The following FHIT variants were observed in gnomAD, a reference collection of about 807,000 sequenced individuals.
FHIT encodes fragile histidine triad diadenosine triphosphatase.
In FHIT, 19 loss-of-function variants were observed where a neutral mutation model predicts 17.9. The ratio of observed to expected loss-of-function variants is 1.06; its 90% CI spans 0.74 to 1.56. FHIT has a LOEUF of 1.56. FHIT is among the 40% of genes most tolerant of loss of function. FHIT has a pLI of 0.00. For missense variants in FHIT, 248 were observed against 189.2 expected, an observed-to-expected ratio of 1.31 and a Z score of -1.82; for synonymous variants, 81 against 69.7, an observed-to-expected ratio of 1.16 and a Z score of -0.81.
intron 5 of FHIT, among the ~76,000 whole-genome samples, chr3:60,245,140 A>C (rs944344750): frequency 2.6e-5 from 4 of 152,102 alleles, no homozygotes; most frequent in African/African-American, 9.6e-5. Flanking sequence ...GAATTCAAGA[A>C]GTCATGAGCT....
At chr3:61,055,422 T>C (rs1198787377) in intron 2 of FHIT, among the ~76,000 whole-genome samples, 1 of 152,212 alleles carries the variant, frequency 6.6e-6, no homozygotes, top group Non-Finnish European at 1.5e-5. Context: ...TTTCTCCTAC[T>C]GTAGTGTTAA....
At chr3:60,171,530 A>G (rs968641374) in intron 5 of FHIT, among the ~76,000 whole-genome samples, 3 of 152,218 alleles carry the variant, frequency 2.0e-5, no homozygotes, top group East Asian at 1.9e-4. Flanking sequence ...AATGGTTTCC[A>G]TCTCATTTTC....
chr3:59,918,714 C>A (rs925146288), intron 8 of FHIT, among the ~76,000 whole-genome samples: 2 of 152,166 alleles, frequency 1.3e-5, no homozygotes, highest in African/African-American at 2.4e-5. Context: ...TATGCATGCA[C>A]CATTAGCCAG....
intron 4 of FHIT, among the ~76,000 whole-genome samples, chr3:60,706,684 C>A (rs2041381527): frequency 6.6e-6 from 1 of 152,144 alleles, no homozygotes; most frequent in Admixed American, 6.5e-5. Flanking sequence ...AAAAATATTT[C>A]TATTTCCATT....
At chr3:60,710,133 C>G (rs1471090892) in intron 4 of FHIT, among the ~76,000 whole-genome samples, 1 of 146,390 alleles carries the variant, frequency 6.8e-6, no homozygotes, top group African/African-American at 2.5e-5. Context: ...ATAATTTTTA[C>G]TTTTCAACAA....
chr3:61,161,188 G>C (rs560300430), intron 2 of FHIT, among the ~76,000 whole-genome samples: 10 of 147,514 alleles, frequency 6.8e-5, no homozygotes, highest in African/African-American at 1.7e-4. Flanking sequence ...CCCATGATTA[G>C]AGCAGAAGAA....
chr3:60,287,100 A>G (rs9826614), intron 5 of FHIT, among the ~76,000 whole-genome samples: 15,331 of 152,262 alleles, frequency 0.1, 919 homozygotes, highest in Non-Finnish European at 0.13. Flanking sequence ...GAACTCAGTC[A>G]GATCATCTAT....
chr3:60,718,204 T>C (rs2041730331), intron 4 of FHIT, among the ~76,000 whole-genome samples: 1 of 152,230 alleles, frequency 6.6e-6, no homozygotes, highest in Non-Finnish European at 1.5e-5. Flanking sequence ...AAGACAAACT[T>C]AGTTTACTGT....
intron 1 of FHIT, among the ~76,000 whole-genome samples, chr3:61,202,180 A>G (rs1480326722): frequency 6.6e-6 from 1 of 151,922 alleles, no homozygotes; most frequent in East Asian, 1.9e-4. Flanking sequence ...GCCGCCAACC[A>G]TCTGGGAAGT....
intron 5 of FHIT, among the ~76,000 whole-genome samples, chr3:60,090,925 C>G (rs1358345932): frequency 1.3e-5 from 2 of 152,192 alleles, no homozygotes; most frequent in African/African-American, 4.8e-5. Flanking sequence ...CAAGTTGAAG[C>G]AGGTAAGAAA....
chr3:60,201,727 T>A (rs980849241), intron 5 of FHIT, among the ~76,000 whole-genome samples: 2 of 152,142 alleles, frequency 1.3e-5, no homozygotes, highest in Non-Finnish European at 2.9e-5. Context: ...TAACTTTTTT[T>A]AAACAGTCAA....
At chr3:61,154,958 G>A (rs1309981770) in intron 2 of FHIT, among the ~76,000 whole-genome samples, 2 of 152,254 alleles carry the variant, frequency 1.3e-5, no homozygotes, top group Admixed American at 1.3e-4. Flanking sequence ...GGGAGGACCC[G>A]ACAGGCCCTC....
At chr3:60,137,365 G>C (rs528905977) in intron 5 of FHIT, among the ~76,000 whole-genome samples, 2 of 152,282 alleles carry the variant, frequency 1.3e-5, no homozygotes, top group African/African-American at 4.8e-5. Flanking sequence ...TTTTACAAGA[G>C]CTTCTAAAGC....
chr3:60,228,619 GA>G (rs760743708), intron 5 of FHIT, among the ~76,000 whole-genome samples: 71 of 152,286 alleles, frequency 4.7e-4, no homozygotes, highest in Non-Finnish European at 8.8e-4. Flanking sequence ...TAAAATGGGA[GA>G]AATGACAAAT....
intron 5 of FHIT, among the ~76,000 whole-genome samples, chr3:60,284,929 T>C (rs1196150880): frequency 2.6e-5 from 4 of 152,192 alleles, no homozygotes; most frequent in Admixed American, 1.3e-4. Context: ...ATATACATTT[T>C]GATTATTGTA....
intron 5 of FHIT, among the ~76,000 whole-genome samples, chr3:60,057,548 G>A (rs774348136): frequency 6.6e-6 from 1 of 152,142 alleles, no homozygotes; most frequent in African/African-American, 2.4e-5. Context: ...CACAAAGGAT[G>A]ATATTGTGAT....
In FHIT at chr3:61,127,149, G is replaced by A. The variant is rs190462188; in HGVS notation, c.-164+73468C>T. 1.4e-4 allele frequency among the ~76,000 whole-genome samples: 21 copies of A among 152,264 alleles called. 1 individual carries two copies. The highest frequency in any genetic ancestry group is 3.9e-4 in the Admixed American group (6 of 15,292). On this transcript the variant is annotated intron_variant, in intron 2 of 9. Transcript: ENST00000492590. ...CGCTGTAACAGAATCATTTGACTTC[G>A]GTACTGAGAATCAACCAAAAGATGT...
At chr3:60,445,697 C>T (rs1326610249) in intron 5 of FHIT, among the ~76,000 whole-genome samples, 1 of 151,838 alleles carries the variant, frequency 6.6e-6, no homozygotes. Flanking sequence ...CTTATTTTTC[C>T]CCCTGTAGAC....
intron 5 of FHIT, among the ~76,000 whole-genome samples, chr3:60,417,122 A>G (rs902186682): frequency 1.3e-5 from 2 of 152,002 alleles, no homozygotes; most frequent in Non-Finnish European, 2.9e-5. Context: ...TTTGAGAACA[A>G]CTATTAGATC....
Sources: allele counts gnomAD v4.1 joint callset (sites outside exome capture counted in the v4.1 genomes callset), GRCh38; gene constraint gnomAD v4.1.1; transcripts MANE v1.5; gene names NCBI Gene and HGNC (gene_info 2026-07-23, HGNC 2026-07-21).